Variants in PLXDC2 observed in about 807,000 individuals in gnomAD.
PLXDC2 encodes the protein plexin domain-containing protein 2.
PLXDC2 carries 40 observed loss-of-function variants against 68.9 expected under a neutral mutation model. The ratio of observed to expected loss-of-function variants is 0.58; its 90% confidence interval spans 0.45 to 0.76. The LOEUF (loss-of-function observed/expected upper bound fraction) is 0.76, where lower values mean the gene tolerates loss of function less well. Ranked by LOEUF, PLXDC2 falls within the 30% of genes least tolerant of loss-of-function variation. PLXDC2 has a pLI of 0.00. For missense variants in PLXDC2, 644 were observed against 661.9 expected, an observed-to-expected ratio of 0.97 and a Z score of 0.30; for synonymous variants, 243 against 234.2, an observed-to-expected ratio of 1.04 and a Z score of -0.34.
rs1248809488 is a variant in PLXDC2, at chr10:20,284,978, GC to G, written c.*5164del. The G allele has an allele frequency of 5.9e-5, 9 of 152,090 alleles. No homozygotes were observed. Among genetic ancestry groups the G allele is most frequent in the South Asian group, 2.1e-4 (1 of 4,830 alleles). The allele number at this position is 152,090 out of a possible 1,614,324, so 9.4% of individuals were successfully genotyped here. A position where few individuals can be genotyped will look rare whatever the true frequency, so the allele number is the denominator to read the frequency against. The stretch of plus-strand genomic sequence containing the variant: ...TTCAATTTCTCCTCTCTCCACCCCT[GC>G]CCCCATCTGTGGCCATCTAAGTTAG... On this transcript the variant is annotated 3_prime_UTR_variant, in exon 14 of 14. Transcript: ENST00000377252.
chr10:20,062,227 C>A (rs990502594), intron 3 of PLXDC2, among the ~76,000 whole-genome samples: 2 of 152,182 alleles, frequency 1.3e-5, no homozygotes, highest in Non-Finnish European at 2.9e-5. Context: ...AGATCAAGGC[C>A]ATCCTGGCCA....
chr10:20,210,698 A>C (rs894552558), intron 9 of PLXDC2, among the ~76,000 whole-genome samples: 1 of 152,216 alleles, frequency 6.6e-6, no homozygotes, highest in African/African-American at 2.4e-5. Flanking sequence ...CAGGAAAAAG[A>C]GATGAGTTAA....
chr10:19,859,834 C>T lies in PLXDC2; in HGVS notation c.112+42643C>T, dbSNP rs180786504. ...GCAAACTTCCTCTCCTGGGTTCAAG[C>T]GATTCTCGTGCCTCAGTCTCCCAAG... is the stretch of plus-strand genomic sequence containing the variant. On this transcript the variant is annotated intron_variant, in intron 1 of 13. Coordinates refer to ENST00000377252, the MANE Select transcript of PLXDC2 (RefSeq NM_032812.9). Among the ~76,000 whole-genome samples, 606 of 152,234 alleles carry T rather than the reference C, an allele frequency of 4.0e-3. 10 individuals carry two copies. The highest frequency in any genetic ancestry group is 0.029 in the East Asian group (149 of 5,168).
At chr10:20,000,649 G>C (rs1834919279) in intron 1 of PLXDC2, among the ~76,000 whole-genome samples, 1 of 152,080 alleles carries the variant, frequency 6.6e-6, no homozygotes, top group African/African-American at 2.4e-5. Context: ...GGTAGTTTAG[G>C]TAATTATGCC....
At chr10:20,031,174 C>T (rs1331213045) in intron 2 of PLXDC2, among the ~76,000 whole-genome samples, 1 of 152,084 alleles carries the variant, frequency 6.6e-6, no homozygotes, top group Non-Finnish European at 1.5e-5. Flanking sequence ...TCAAGACCAG[C>T]CTGGGCAACA....
chr10:19,857,130 G>A (rs1837229135), intron 1 of PLXDC2, among the ~76,000 whole-genome samples: 1 of 152,126 alleles, frequency 6.6e-6, no homozygotes, highest in Non-Finnish European at 1.5e-5. Context: ...GGGAGCTAAG[G>A]TGTACAAAAT....
chr10:19,901,625 G>C (rs967886531), intron 1 of PLXDC2, among the ~76,000 whole-genome samples: 3 of 152,130 alleles, frequency 2.0e-5, no homozygotes, highest in African/African-American at 7.2e-5. Flanking sequence ...CACTCTGTGG[G>C]TTGTCGGTTA....
chr10:19,865,530 G>A (rs116311402), intron 1 of PLXDC2, among the ~76,000 whole-genome samples: 285 of 152,148 alleles, frequency 1.9e-3, no homozygotes, highest in African/African-American at 6.6e-3. Flanking sequence ...TCTTTCCTAC[G>A]TCATTATCAT....
At position 19,934,101 on chromosome 10, in the gene PLXDC2, G is replaced by A. The variant is rs79449887; in HGVS notation, c.113-67674G>A. Reference sequence around the variant, plus strand: ...TGAAAAGAAGAGCTAGATAAAATGCGTGATCATTGGGATACCACTTCATTA... The same window carrying A: ...TGAAAAGAAGAGCTAGATAAAATGCATGATCATTGGGATACCACTTCATTA... On this transcript the variant is annotated intron_variant, in intron 1 of 13. Transcript: ENST00000377252. Among the ~76,000 whole-genome samples the A allele has an allele frequency of 4.5e-3, 691 of 152,178 alleles. 3 individuals are homozygous for A. Among genetic ancestry groups the A allele is most frequent in the African/African-American group, 0.015 (642 of 41,510 alleles).
chr10:20,143,070 T>C (rs1244012070), intron 4 of PLXDC2, among the ~76,000 whole-genome samples: 2 of 152,078 alleles, frequency 1.3e-5, no homozygotes, highest in East Asian at 3.8e-4. Context: ...GTACATGTTA[T>C]AGATTTCGGA....
intron 2 of PLXDC2, among the ~76,000 whole-genome samples, chr10:20,005,571 G>C (rs530157698): frequency 5.3e-5 from 8 of 152,262 alleles, no homozygotes; most frequent in African/African-American, 1.9e-4. Context: ...CATGGCTCCA[G>C]CATCTGCTTG....
intron 6 of PLXDC2, among the ~76,000 whole-genome samples, chr10:20,148,245 T>A (rs1307769355): frequency 6.9e-6 from 1 of 144,632 alleles, no homozygotes; most frequent in East Asian, 2.0e-4. Flanking sequence ...ATGTTTATAT[T>A]TACGTATTTT....
At chr10:19,978,950 A>C (rs1036784935) in intron 1 of PLXDC2, among the ~76,000 whole-genome samples, 1 of 152,342 alleles carries the variant, frequency 6.6e-6, no homozygotes, top group South Asian at 2.1e-4. Flanking sequence ...AATCTTGACT[A>C]TTATTACCTA....
At chr10:19,843,850 C>T (rs188204150) in intron 1 of PLXDC2, among the ~76,000 whole-genome samples, 114 of 152,094 alleles carry the variant, frequency 7.5e-4, no homozygotes, top group African/African-American at 1.8e-3. Flanking sequence ...AAATAAGCCC[C>T]GACATTCTGT....
chr10:20,064,135 G>A (rs1167024934), intron 3 of PLXDC2, among the ~76,000 whole-genome samples: 5 of 146,334 alleles, frequency 3.4e-5, no homozygotes, highest in African/African-American at 5.0e-5. Flanking sequence ...TTTCTTTCAT[G>A]TTAAATATTT....
At chr10:20,172,573 A>T (rs1834462768) in intron 7 of PLXDC2, among the ~76,000 whole-genome samples, 1 of 152,184 alleles carries the variant, frequency 6.6e-6, no homozygotes, top group Admixed American at 6.6e-5. Context: ...TGATCGGGTC[A>T]GGGTATTTGG....
rs995489756 is a variant in PLXDC2, at chr10:20,289,684, A to G, written c.*9865A>G. On this transcript the variant is annotated 3_prime_UTR_variant, in exon 14 of 14. Transcript: ENST00000377252. ...GCACAGACCTGAACCCATGCCCAAG[A>G]AGCACACACAATGACTGGAGCTGTC... is the stretch of plus-strand genomic sequence containing the variant. 3 of 152,230 alleles carry G rather than the reference A, an allele frequency of 2.0e-5. No homozygotes were observed. Among genetic ancestry groups the G allele is most frequent in the African/African-American group, 7.2e-5 (3 of 41,432 alleles). 9.4% of individuals were successfully genotyped at this position (152,230 alleles called of 1,614,324 possible).
intron 12 of PLXDC2, among the ~76,000 whole-genome samples, chr10:20,239,209 T>C (rs1483026133): frequency 1.3e-5 from 2 of 152,208 alleles, no homozygotes; most frequent in Non-Finnish European, 2.9e-5. Context: ...CTTTTGGACA[T>C]GAGTGAAAGC....
intron 3 of PLXDC2, among the ~76,000 whole-genome samples, chr10:20,050,800 T>C (rs11011759): frequency 0.1 from 15,422 of 152,056 alleles, 1,759 homozygotes; most frequent in African/African-American, 0.28. Context: ...TGTAAATTAG[T>C]TCAACCATTG....
Sources: allele counts gnomAD v4.1 joint callset (sites outside exome capture counted in the v4.1 genomes callset), GRCh38; gene constraint gnomAD v4.1.1; transcripts MANE v1.5; gene names NCBI Gene and HGNC (gene_info 2026-07-23, HGNC 2026-07-21).